The following SGPP1 variants were observed in gnomAD, a reference collection of about 807,000 sequenced individuals.
SGPP1 encodes the protein sphingosine-1-phosphate phosphatase 1.
A neutral mutation model predicts 33.0 loss-of-function variants in SGPP1; 21 were observed. That is an observed-to-expected ratio of 0.64 (90% CI 0.45 to 0.92). The LOEUF (loss-of-function observed/expected upper bound fraction) is 0.92, where lower values mean the gene tolerates loss of function less well. SGPP1 is among the 40% of genes least tolerant of loss of function. The pLI is 0.00. For synonymous variants in SGPP1, 239 were observed against 241.2 expected (o/e 0.99, Z 0.08); for missense variants, 543 against 589.4 (o/e 0.92, Z 0.81).
At position 63,690,546 on chromosome 14, in the gene SGPP1, C is replaced by G. The variant is rs1885072798; in HGVS notation, c.775-3890G>C. On this transcript the variant is annotated intron_variant, in intron 2 of 2. Transcript: ENST00000247225. ...AACTATAAAATGGTAGGGAAATAGA[C>G]TATGTTTTGTTCAACCTCAAATATT... Among the ~76,000 whole-genome samples, 5 of 152,076 alleles carry G rather than the reference C, an allele frequency of 3.3e-5. No individual in the cohort carries two copies. The South Asian group carries it at 1.0e-3, about 32-fold the overall frequency.
chr14:63,727,537 C>T lies in SGPP1; in HGVS notation c.408G>A (p.Thr136=), dbSNP rs1040570962. ...TGTAGAAGAGTTCGTTGCCCAGCTCCGTGCCGAAGCAGAACAGGCAGTAGA... is the reference window on the plus strand; with the variant it reads ...TGTAGAAGAGTTCGTTGCCCAGCTCTGTGCCGAAGCAGAACAGGCAGTAGA... ...WPLYCLFCFG[T]ELGNELFYIL... The change falls in exon 1 of 3, where the codon ACG becomes ACA. Residue 136 remains threonine, a synonymous_variant. Coordinates refer to ENST00000247225, the MANE Select transcript of SGPP1 (RefSeq NM_030791.4). 6.2e-7 allele frequency: 1 copy of T among 1,613,678 alleles called. No homozygotes were observed. Among genetic ancestry groups the T allele is most frequent in the African/African-American group, 1.3e-5 (1 of 74,942 alleles).
At chr14:63,706,171 A>T (rs1300442496) in intron 1 of SGPP1, among the ~76,000 whole-genome samples, 2 of 152,236 alleles carry the variant, frequency 1.3e-5, no homozygotes, top group African/African-American at 4.8e-5. Context: ...GAATGAAGCC[A>T]GACACCCAAG....
chr14:63,702,818 T>C (rs991332842), intron 1 of SGPP1, among the ~76,000 whole-genome samples: 10 of 152,164 alleles, frequency 6.6e-5, no homozygotes, highest in Non-Finnish European at 1.2e-4. Flanking sequence ...AACTTCTAAG[T>C]GTCAAAGTAA....
rs139614441 is a variant in SGPP1, at chr14:63,686,583, T to C, written c.848A>G (p.Asn283Ser). Residue 283 changes from asparagine (N) to serine (S), a missense_variant, in exon 3 of 3, where the codon AAC becomes AGC. By Grantham distance (46) the Asn-to-Ser change is conservative (BLOSUM62 1). Transcript: ENST00000247225. ...AGCATATTTGTGAGTTTGGTTGAAG[T>C]TGTCAATCAGGTCCACAAATGGATA... is the stretch of plus-strand genomic sequence containing the variant. ...VFYPFVDLID[N>S]FNQTHKYAPF... The C allele has an allele frequency of 3.2e-5, 51 of 1,613,904 alleles. No individual in the cohort carries two copies. In the African/African-American group the frequency reaches 5.6e-4, roughly 18 times the overall value.
rs150194548 is a variant in SGPP1 at position 63,686,171 on chromosome 14, A to G, written c.1260T>C (p.Tyr420=). 18 of 1,613,074 alleles carry G rather than the reference A, an allele frequency of 1.1e-5. No homozygotes were observed. The highest frequency in any genetic ancestry group is 1.4e-5 in the Non-Finnish European group (17 of 1,179,590). The change falls in exon 3 of 3, where the codon TAT becomes TAC. Residue 420 remains tyrosine (Y), a synonymous_variant. Coordinates refer to ENST00000247225, the MANE Select transcript of SGPP1 (RefSeq NM_030791.4). ...EVELPYRYIT[Y]GMVGFSITFF... Reference sequence around the variant, plus strand: ...ATGTGATGGAGAAACCAACCATTCCATAGGTAATATACCGATAAGGAAGTT... The same window carrying G: ...ATGTGATGGAGAAACCAACCATTCCGTAGGTAATATACCGATAAGGAAGTT...
chr14:63,693,877 C>T (rs1369994171), intron 2 of SGPP1, among the ~76,000 whole-genome samples: 3 of 152,176 alleles, frequency 2.0e-5, no homozygotes, highest in Non-Finnish European at 2.9e-5. Flanking sequence ...GGATTATAGG[C>T]GTGGGCTGCT....
At chr14:63,688,725 CTT>C (rs1051862998) in intron 2 of SGPP1, among the ~76,000 whole-genome samples, 11 of 115,900 alleles carry the variant, frequency 9.5e-5, no homozygotes, top group Admixed American at 1.6e-4. Flanking sequence ...TTTTTTTTTT[CTT>C]TTTTTTTTTT....
At chr14:63,712,904 CAA>C (rs1209737281) in intron 1 of SGPP1, among the ~76,000 whole-genome samples, 1 of 68,912 alleles carries the variant, frequency 1.5e-5, no homozygotes, top group East Asian at 3.8e-4. Context: ...GCAACAAGAG[CAA>C]AACTCTGTCT....
chr14:63,699,718 A>G (rs1330287014), intron 1 of SGPP1, among the ~76,000 whole-genome samples: 1 of 147,068 alleles, frequency 6.8e-6, no homozygotes, highest in Non-Finnish European at 1.5e-5. Flanking sequence ...CTGGAACTAC[A>G]GGCAGAGTTG....
rs144163285 is a variant in SGPP1 at position 63,712,624 on chromosome 14, G to A, written c.685-13966C>T. Among the ~76,000 whole-genome samples, 890 of 152,252 alleles carry A rather than the reference G, an allele frequency of 5.8e-3. 11 individuals are homozygous for A. Among genetic ancestry groups the A allele is most frequent in the African/African-American group, 0.02 (840 of 41,550 alleles). ...AACTATGAGTGAGGCAGACATGTGC[G>A]TATGAAAACAGAACATTTTTAATTT... On this transcript the variant is annotated intron_variant, in intron 1 of 2. Transcript: ENST00000247225.
At chr14:63,718,684 A>G (rs1245837956) in intron 1 of SGPP1, among the ~76,000 whole-genome samples, 1 of 151,934 alleles carries the variant, frequency 6.6e-6, no homozygotes, top group East Asian at 1.9e-4. Context: ...AAAAAGATAC[A>G]GTTTTTAAAA....
At position 63,727,618 on chromosome 14, in the gene SGPP1, G is replaced by A. The variant is rs150004807; in HGVS notation, c.327C>T (p.Arg109=). The change falls in exon 1 of 3, where the codon CGC becomes CGT. Residue 109 remains arginine, a synonymous_variant. Transcript: ENST00000247225. ...CCTCCTCGCCCGTCAGCGAGTTGCG[G>A]CGCAGAGCGCCCGCGCGCCGCGGCG... The part of the protein sequence containing the change: ...PASPRRAGAL[R]RNSLTGEEGQ... The A allele has an allele frequency of 5.0e-3, 7,406 of 1,474,600 alleles. 28 individuals carry two copies. The highest frequency in any genetic ancestry group is 6.1e-3 in the Non-Finnish European group (6,860 of 1,121,640). 91.3% of individuals were successfully genotyped at this position (1,474,600 alleles called of 1,614,324 possible).
intron 2 of SGPP1, among the ~76,000 whole-genome samples, chr14:63,690,313 G>C (rs1885065656): frequency 6.6e-6 from 1 of 152,218 alleles, no homozygotes; most frequent in Non-Finnish European, 1.5e-5. Flanking sequence ...ACAGTGTTGG[G>C]ATTACAGCTG....
At chr14:63,725,274 C>A (rs1885856369) in intron 1 of SGPP1, among the ~76,000 whole-genome samples, 1 of 152,100 alleles carries the variant, frequency 6.6e-6, no homozygotes, top group Non-Finnish European at 1.5e-5. Flanking sequence ...ACTCGGGAGG[C>A]TGAGGCAGAG....
intron 1 of SGPP1, among the ~76,000 whole-genome samples, chr14:63,721,469 A>T (rs1885770147): frequency 6.6e-6 from 1 of 152,182 alleles, no homozygotes; most frequent in Non-Finnish European, 1.5e-5. Flanking sequence ...GGAATTAGTA[A>T]TAAGGACTTA....
rs1170212047 is a variant in SGPP1 at position 63,724,696 on chromosome 14, TGGGAGGCCAGTGGTG to T, written c.684+2550_684+2564del. Among the ~76,000 whole-genome samples the T allele has an allele frequency of 2.8e-4, 41 of 148,018 alleles. No homozygotes were observed. The South Asian group carries it at 4.8e-3, about 17-fold the overall frequency. ...GCTCACGCCTGTAATGCCAGCACTC[TGGGAGGCCAGTGGTG>T]GGGAGGCCGATGAGCGGGGGGCGGC... On this transcript the variant is annotated intron_variant, in intron 1 of 2. Transcript: ENST00000247225.
Position 63,695,118 on chromosome 14 carries a change from G to A in SGPP1, c.774+3451C>T, listed in dbSNP as rs1380902083. On this transcript the variant is annotated intron_variant, in intron 2 of 2. Coordinates refer to ENST00000247225, the MANE Select transcript of SGPP1 (RefSeq NM_030791.4). The stretch of plus-strand genomic sequence containing the variant: ...GTCGCCCAGGCTGGAGTGCAGTGGC[G>A]CGATCTCTGCTCACTGCAAGCTCCG... Among the ~76,000 whole-genome samples, 19 of 151,938 alleles carry A rather than the reference G, an allele frequency of 1.3e-4. No homozygotes were observed. In the East Asian group the frequency reaches 1.7e-3, roughly 14 times the overall value.
intron 2 of SGPP1, among the ~76,000 whole-genome samples, chr14:63,695,095 C>T (rs899359919): frequency 2.5e-4 from 38 of 152,020 alleles, no homozygotes; most frequent in African/African-American, 8.4e-4. Context: ...CTCGCTCTGT[C>T]GCCCAGGCTG....
In SGPP1 at chr14:63,727,807, C is replaced by G; in HGVS notation, c.138G>C (p.Glu46Asp). The change falls in exon 1 of 3, where the codon GAG becomes GAC. Residue 46 changes from glutamate to aspartate, a missense_variant. Transcript: ENST00000247225. ...SADRREDEKA[E>D]APLAGDPRLR... ...GTCGAGGGTCTCCGGCGAGAGGCGC[C>G]TCCGCTTTCTCATCCTCCCTCCGGT... is the stretch of plus-strand genomic sequence containing the variant. 2 of 1,506,890 alleles carry G rather than the reference C, an allele frequency of 1.3e-6. No individual in the cohort carries two copies. Among genetic ancestry groups the G allele is most frequent in the Non-Finnish European group, 1.8e-6 (2 of 1,134,144 alleles). 93.3% of individuals were successfully genotyped at this position (1,506,890 alleles called of 1,614,324 possible).
Sources: allele counts gnomAD v4.1 joint callset (sites outside exome capture counted in the v4.1 genomes callset), GRCh38; gene constraint gnomAD v4.1.1; transcripts MANE v1.5; gene names NCBI Gene and HGNC (gene_info 2026-07-23, HGNC 2026-07-21).